The following DVL3 variants were observed in gnomAD, a reference collection of about 807,000 sequenced individuals.
The protein encoded by DVL3 is segment polarity protein dishevelled homolog DVL-3.
A neutral mutation model predicts 67.4 loss-of-function variants in DVL3; 27 were observed. That is an observed-to-expected ratio of 0.40 (90% confidence interval 0.30 to 0.55). The LOEUF (loss-of-function observed/expected upper bound fraction) is 0.55. Ranked by LOEUF, DVL3 falls within the 20% of genes least tolerant of loss-of-function variation. The pLI is 0.46. For missense variants in DVL3, 819 were observed against 1,021.5 expected (o/e 0.80, Z 2.70); for synonymous variants, 369 against 396.8 (o/e 0.93, Z 0.83).
At position 184,167,960 on chromosome 3, in the gene DVL3, C is replaced by T. The variant is rs1463261176; in HGVS notation, c.1393C>T (p.Arg465Cys). The change falls in exon 13 of 15, where the codon CGC becomes TGC. Residue 465 changes from arginine (R) to cysteine (C), a missense_variant. Coordinates refer to ENST00000313143, the MANE Select transcript of DVL3 (RefSeq NM_004423.4). This position sits in a 1 kb window ranked among gnomAD's most constrained non-coding sequence, Gnocchi z 4.6. ...VEGFTDRREA[R>C]KYASNLLKAG... The stretch of plus-strand genomic sequence containing the variant: ...AGGCTTCACGGACCGGAGGGAGGCC[C>T]GCAAGTATGCCAGCAACCTGCTGAA... The T allele has an allele frequency of 3.7e-6, 6 of 1,614,126 alleles. No individual in the cohort carries two copies. The highest frequency in any genetic ancestry group is 5.1e-6 in the Non-Finnish European group (6 of 1,180,054).
intron 13 of DVL3, among the ~76,000 whole-genome samples, 161 bp from the exon 14 acceptor site, chr3:184,169,845 G>A (rs1435442294): frequency 1.3e-5 from 2 of 152,164 alleles, no homozygotes; most frequent in Non-Finnish European, 2.9e-5. Flanking sequence ...TGGCTCTGGT[G>A]GTGGCAAAGG....
intron 1 of DVL3, among the ~76,000 whole-genome samples, chr3:184,160,589 G>GT (rs753710433): frequency 1.4e-4 from 22 of 152,216 alleles, no homozygotes; most frequent in Admixed American, 4.6e-4. Context: ...CAGCTCCATG[G>GT]TGGGAGAGTA....
rs1714845592 is a variant in DVL3, at chr3:184,171,693, C to T, written c.*938C>T. The stretch of plus-strand genomic sequence containing the variant: ...CCCAAGGATGTCCAGCCCCCACACC[C>T]ACACGTTAACATAATGAGTCACTAG... On this transcript the variant is annotated 3_prime_UTR_variant, in exon 15 of 15. Coordinates refer to ENST00000313143, the MANE Select transcript of DVL3 (RefSeq NM_004423.4). The T allele has an allele frequency of 1.4e-6, 1 of 690,164 alleles. No individual in the cohort carries two copies. Among genetic ancestry groups the T allele is most frequent in the Admixed American group, 6.3e-5 (1 of 15,888 alleles). 42.8% of individuals were successfully genotyped at this position (690,164 alleles called of 1,614,324 possible).
intron 1 of DVL3, among the ~76,000 whole-genome samples, chr3:184,159,787 CT>C (rs1348877568): frequency 6.6e-6 from 1 of 152,170 alleles, no homozygotes; most frequent in African/African-American, 2.4e-5. Context: ...GAACTATCCA[CT>C]GGACCATAGT....
Position 184,165,420 on chromosome 3 carries a change from A to G in DVL3, c.694-2A>G, listed in dbSNP as rs908856838. 6.2e-7 allele frequency: 1 copy of G among 1,613,808 alleles called. No individual in the cohort carries two copies. The highest frequency in any genetic ancestry group is 1.3e-5 in the African/African-American group (1 of 74,862). ...GCTGCTCAGGGCCTCTGTCTATTCC[A>G]GTCCTCGTCCTTCAGCAGCATCACG... On this transcript the variant is annotated splice_acceptor_variant, in intron 6 of 14. Transcript: ENST00000313143. LOFTEE classifies it high-confidence loss of function. The surrounding 1 kb of genome is among the most constrained non-coding windows in gnomAD (Gnocchi z 4.1).
In DVL3 at chr3:184,170,883, C is replaced by CT. The variant is rs1191519452; in HGVS notation, c.*129dup. ...ATAAAAGGAACTAAATCCAGGTGCG[C>CT]TAACTGCTCGCAGGGTGCTGCGAGG... On this transcript the variant is annotated 3_prime_UTR_variant, in exon 15 of 15. Transcript: ENST00000313143. This position sits in a 1 kb window ranked among gnomAD's most constrained non-coding sequence, Gnocchi z 6.5. 6.5e-7 allele frequency: 1 copy of CT among 1,549,086 alleles called. No individual in the cohort carries two copies. The highest frequency in any genetic ancestry group is 8.7e-7 in the Non-Finnish European group (1 of 1,146,820).
chr3:184,169,996 C>G lies in DVL3; in HGVS notation c.1499-10C>G. On this transcript the variant is annotated splice_polypyrimidine_tract_variant and intron_variant, in intron 13 of 14. Transcript: ENST00000313143. ...AAAGACCTAGCTCCATCCGGCCCTC[C>G]CCTTCACAGACATGGCCAACCTGTC... 1 of 1,593,938 alleles carries G rather than the reference C, an allele frequency of 6.3e-7. No homozygotes were observed. The highest frequency in any genetic ancestry group is 8.6e-7 in the Non-Finnish European group (1 of 1,166,720).
chr3:184,160,241 G>T (rs1164007003), intron 1 of DVL3, among the ~76,000 whole-genome samples: 1 of 151,830 alleles, frequency 6.6e-6, no homozygotes, highest in Non-Finnish European at 1.5e-5. Flanking sequence ...CTGAGCCACC[G>T]TGCCCTGCCA....
At position 184,166,902 on chromosome 3, in the gene DVL3, C is replaced by T. The variant is rs762207385; in HGVS notation, c.1125C>T (p.Tyr375=). ...TAAMTGTFPA[Y]GMSPSLSTIT... is the part of the protein sequence containing the mutation. The stretch of plus-strand genomic sequence containing the variant: ...CCATGACCGGCACCTTCCCTGCATA[C>T]GGCATGAGCCCCTCCCTGAGCACCA... Residue 375 remains tyrosine (Y), a synonymous_variant, in exon 11 of 15, where the codon TAC becomes TAT. Transcript: ENST00000313143. This position sits in a 1 kb window ranked among gnomAD's most constrained non-coding sequence, Gnocchi z 6.7. 7.4e-6 allele frequency: 12 copies of T among 1,614,170 alleles called. No individual in the cohort carries two copies. Among genetic ancestry groups the T allele is most frequent in the South Asian group, 4.4e-5 (4 of 91,088 alleles).
chr3:184,167,948 C>T lies in DVL3; in HGVS notation c.1381C>T (p.Arg461Trp), dbSNP rs1187186969. 10 of 1,614,146 alleles carry T rather than the reference C, an allele frequency of 6.2e-6. No individual in the cohort carries two copies. Among genetic ancestry groups the T allele is most frequent in the East Asian group, 4.5e-5 (2 of 44,902 alleles). The change falls in exon 13 of 15, where the codon CGG becomes TGG. Residue 461 changes from arginine to tryptophan, a missense_variant. Coordinates refer to ENST00000313143, the MANE Select transcript of DVL3 (RefSeq NM_004423.4). The surrounding 1 kb of genome is among the most constrained non-coding windows in gnomAD (Gnocchi z 4.6). ...CCACAATGTGGAAGGCTTCACGGAC[C>T]GGAGGGAGGCCCGCAAGTATGCCAG... The part of the protein sequence containing the change: ...LYHNVEGFTD[R>W]REARKYASNL...
Position 184,170,072 on chromosome 3 carries a change from C to T in DVL3, c.1565C>T (p.Ala522Val), listed in dbSNP as rs1479798251. 4.3e-6 allele frequency: 7 copies of T among 1,613,808 alleles called. No individual in the cohort carries two copies. The highest frequency in any genetic ancestry group is 5.9e-6 in the Non-Finnish European group (7 of 1,179,944). ...GGCGCCTCTGACCAGGACACACTGG[C>T]CCCTTTGCCGCACCCGGGGGCCGCC... ...SSGASDQDTL[A>V]PLPHPGAAPW... Residue 522 changes from alanine (A) to valine (V), a missense_variant, in exon 14 of 15, where the codon GCC (alanine) becomes GTC (valine). Ala to Val is a moderately conservative substitution (Grantham distance 64). Coordinates refer to ENST00000313143, the MANE Select transcript of DVL3 (RefSeq NM_004423.4). The surrounding 1 kb of genome is among the most constrained non-coding windows in gnomAD (Gnocchi z 6.5).
In DVL3 at chr3:184,170,556, C is replaced by T. The variant is rs1332710164; in HGVS notation, c.1952C>T (p.Pro651Leu). 1.9e-6 allele frequency: 3 copies of T among 1,612,448 alleles called. No individual in the cohort carries two copies. Among genetic ancestry groups the T allele is most frequent in the African/African-American group, 1.3e-5 (1 of 74,870 alleles). Residue 651 changes from proline to leucine, a missense_variant, in exon 15 of 15, where the codon CCG becomes CTG. By Grantham distance (98) the Pro-to-Leu change is moderately conservative (BLOSUM62 -3). Coordinates refer to ENST00000313143, the MANE Select transcript of DVL3 (RefSeq NM_004423.4). The surrounding 1 kb of genome is among the most constrained non-coding windows in gnomAD (Gnocchi z 6.5). ...AGCCTTCGCAGCCACCACACACACC[C>T]GAGCTACGGTCCTCCCGGAGTGCCC... ...ASSLRSHHTH[P>L]SYGPPGVPPL... is the part of the protein sequence containing the mutation.
In DVL3 at chr3:184,170,162, G is replaced by T. The variant is rs778678640; in HGVS notation, c.1655G>T (p.Gly552Val). The stretch of plus-strand genomic sequence containing the variant: ...CCGCACCCATACAACCCGCACCCGG[G>T]CTTCCCGGAGCTGGGCTACAGCTAC... Reference protein sequence around the residue: ...PPPHPYNPHPGFPELGYSYGG... With the variant: ...PPPHPYNPHPVFPELGYSYGG... The change falls in exon 14 of 15, where the codon GGC becomes GTC. Residue 552 changes from glycine to valine, a missense_variant. Around this residue, in one of 3 missense-constraint regions of DVL3, gnomAD observed 324 missense variants for 331.3 expected, o/e 0.98. Transcript: ENST00000313143. This position sits in a 1 kb window ranked among gnomAD's most constrained non-coding sequence, Gnocchi z 6.5. The T allele has an allele frequency of 1.2e-5, 20 of 1,613,352 alleles. No homozygotes were observed. Among genetic ancestry groups the T allele is most frequent in the Non-Finnish European group, 1.4e-5 (17 of 1,179,942 alleles).
rs754504377 is a variant in DVL3, at chr3:184,165,008, T to C, written c.599+77T>C. The C allele has an allele frequency of 6.2e-7, 1 of 1,609,088 alleles. No homozygotes were observed. The highest frequency in any genetic ancestry group is 1.7e-5 in the Admixed American group (1 of 59,436). ...CTAAACCCTGAGGATGCGGGGCCCCTGGGAGGCTTATGGGCTTTGTGTTGG... is the reference window on the plus strand; with the variant it reads ...CTAAACCCTGAGGATGCGGGGCCCCCGGGAGGCTTATGGGCTTTGTGTTGG... On this transcript the variant is annotated intron_variant, in intron 5 of 14. Transcript: ENST00000313143. This position sits in a 1 kb window ranked among gnomAD's most constrained non-coding sequence, Gnocchi z 4.1.
Position 184,163,909 on chromosome 3 carries a change from G to A in DVL3, c.231+183G>A, listed in dbSNP as rs908079613. Among the ~76,000 whole-genome samples the A allele has an allele frequency of 2.0e-5, 3 of 152,150 alleles. No individual in the cohort carries two copies. The highest frequency in any genetic ancestry group is 2.0e-4 in the Admixed American group (3 of 15,272). On this transcript the variant is annotated intron_variant, in intron 2 of 14. Coordinates refer to ENST00000313143, the MANE Select transcript of DVL3 (RefSeq NM_004423.4). This position sits in a 1 kb window ranked among gnomAD's most constrained non-coding sequence, Gnocchi z 4.5. Reference sequence around the variant, plus strand: ...TTTGATGAAAAGTGAGAAATTAGTGGGAAGGGGGAAGAGGGAGAGACGGAA... The same window carrying A: ...TTTGATGAAAAGTGAGAAATTAGTGAGAAGGGGGAAGAGGGAGAGACGGAA...
At position 184,170,052 on chromosome 3, in the gene DVL3, C is replaced by T. The variant is rs1393901782; in HGVS notation, c.1545C>T (p.Ala515=). The T allele has an allele frequency of 1.9e-6, 3 of 1,613,472 alleles. No individual in the cohort carries two copies. In the South Asian group the frequency reaches 3.3e-5, roughly 18 times the overall value. The change falls in exon 14 of 15, where the codon GCC becomes GCT. Residue 515 remains alanine, a synonymous_variant. Transcript: ENST00000313143. This position sits in a 1 kb window ranked among gnomAD's most constrained non-coding sequence, Gnocchi z 6.5. ...SLHDHDGSSG[A]SDQDTLAPLP... ...ACGATCACGATGGCTCCAGTGGCGC[C>T]TCTGACCAGGACACACTGGCCCCTT...
intron 1 of DVL3, among the ~76,000 whole-genome samples, chr3:184,158,193 A>G (rs1714260852): frequency 6.6e-6 from 1 of 152,130 alleles, no homozygotes; most frequent in Admixed American, 6.5e-5. Flanking sequence ...TTAATTAGCC[A>G]GGCATGATGC....
Position 184,155,560 on chromosome 3 carries a change from G to C in DVL3, c.-76G>C. On this transcript the variant is annotated 5_prime_UTR_variant, in exon 1 of 15. Coordinates refer to ENST00000313143, the MANE Select transcript of DVL3 (RefSeq NM_004423.4). The surrounding 1 kb of genome is among the most constrained non-coding windows in gnomAD (Gnocchi z 5.4). Reference sequence around the variant, plus strand: ...GTTGAGCCGCTGGGCCGCGCCGCGCGCCGCCGCCGTCTGGGAGGCTCGGCC... The same window carrying C: ...GTTGAGCCGCTGGGCCGCGCCGCGCCCCGCCGCCGTCTGGGAGGCTCGGCC... 1.1e-6 allele frequency: 1 copy of C among 943,402 alleles called. No homozygotes were observed. Among genetic ancestry groups the C allele is most frequent in the Non-Finnish European group, 1.3e-6 (1 of 789,842 alleles). The allele number at this position is 943,402 out of a possible 1,614,324, so 58.4% of individuals were successfully genotyped here. A position where few individuals can be genotyped will look rare whatever the true frequency, so the allele number is the denominator to read the frequency against.
chr3:184,170,253 A>G lies in DVL3; in HGVS notation c.1714+32A>G. ...TAGAGGGGCCGTGGAGGAAGGCTAT[A>G]GGTGGGCCCCAGGCTTCCCCCGCCC... On this transcript the variant is annotated intron_variant, in intron 14 of 14. Transcript: ENST00000313143. This position sits in a 1 kb window ranked among gnomAD's most constrained non-coding sequence, Gnocchi z 6.5. 1.9e-6 allele frequency: 3 copies of G among 1,608,574 alleles called. No individual in the cohort carries two copies. Among genetic ancestry groups the G allele is most frequent in the Non-Finnish European group, 2.5e-6 (3 of 1,177,298 alleles).
Sources: gnomAD v4.1 joint callset for allele counts (sites outside exome capture counted in the v4.1 genomes callset) on GRCh38, gnomAD v4.1.1 for gene constraint, gnomAD v4.1.1 regional missense constraint, Gnocchi (gnomAD v3.1) non-coding constraint, MANE v1.5 for transcripts, NCBI Gene and HGNC (gene_info 2026-07-23, HGNC 2026-07-21) for gene names.